ASIC2: variants seen among roughly 807,000 people sequenced by gnomAD.
ASIC2 encodes acid-sensing ion channel 2.
ASIC2 carries 25 observed loss-of-function variants against 57.3 expected under a neutral mutation model. The ratio of observed to expected loss-of-function variants is 0.44; its 90% CI spans 0.32 to 0.61. ASIC2 has a LOEUF of 0.61. Among genes scored for constraint, ASIC2 ranks in the 20% least tolerant of loss-of-function variants. The pLI, the probability that ASIC2 is intolerant of heterozygous loss-of-function variation, is 0.06. For synonymous variants in ASIC2, 319 were observed against 307.5 expected, an observed-to-expected ratio of 1.04 and a Z score of -0.39; for missense variants, 641 against 738.1, an observed-to-expected ratio of 0.87 and a Z score of 1.52.
chr17:33,567,754 T>A (rs1793148803), intron 1 of ASIC2, among the ~76,000 whole-genome samples: 1 of 151,668 alleles, frequency 6.6e-6, no homozygotes, highest in Non-Finnish European at 1.5e-5. Context: ...GGGGAGTGAG[T>A]TTGGAGGTAG....
chr17:33,858,875 T>G (rs1485870815), intron 1 of ASIC2, among the ~76,000 whole-genome samples: 3 of 152,230 alleles, frequency 2.0e-5, no homozygotes, highest in Non-Finnish European at 2.9e-5. Flanking sequence ...GTTTTGTCAC[T>G]AACTGTGTGT....
At chr17:33,038,893 G>A (rs539421593) in intron 3 of ASIC2, among the ~76,000 whole-genome samples, 16 of 143,810 alleles carry the variant, frequency 1.1e-4, no homozygotes, top group African/African-American at 4.0e-4. Context: ...CAAGGCCTCC[G>A]CAGCCCTCGC....
chr17:33,336,700 A>G (rs1567826886), intron 1 of ASIC2, among the ~76,000 whole-genome samples: 1 of 152,064 alleles, frequency 6.6e-6, no homozygotes, highest in Non-Finnish European at 1.5e-5. Context: ...GCATTTTCCA[A>G]GGCTCTGTCA....
At chr17:33,599,347 G>A (rs1323927893) in intron 1 of ASIC2, among the ~76,000 whole-genome samples, 1 of 152,180 alleles carries the variant, frequency 6.6e-6, no homozygotes, top group East Asian at 1.9e-4. Flanking sequence ...GGGAGAAAAG[G>A]AGCCTGATGA....
At chr17:33,379,245 G>A (rs1053245311) in intron 1 of ASIC2, among the ~76,000 whole-genome samples, 16 of 152,282 alleles carry the variant, frequency 1.1e-4, no homozygotes, top group African/African-American at 2.9e-4. Flanking sequence ...GACTGAACAA[G>A]TTACTTACTC....
intron 1 of ASIC2, among the ~76,000 whole-genome samples, chr17:33,625,171 C>CTATCTATCTATCTATCTATT (rs1171154899): frequency 7.2e-5 from 11 of 151,954 alleles, no homozygotes; most frequent in South Asian, 2.1e-4. Flanking sequence ...ATCTATCTAT[C>CTATCTATCTATCTATCTATT]TATCATCTAT....
chr17:33,408,100 T>C (rs1910530940), intron 1 of ASIC2, among the ~76,000 whole-genome samples: 2 of 152,322 alleles, frequency 1.3e-5, no homozygotes, highest in African/African-American at 4.8e-5. Context: ...CTCATGAGTT[T>C]CCTTTCTTGC....
intron 1 of ASIC2, chr17:34,081,060 T>C (rs1226647517): frequency 6.6e-6 from 1 of 152,208 alleles, no homozygotes; most frequent in Non-Finnish European, 1.5e-5. Context: ...TCTGAATCGC[T>C]GGCTTATAGC....
intron 1 of ASIC2, among the ~76,000 whole-genome samples, chr17:33,975,835 C>T (rs1271559782): frequency 6.6e-6 from 1 of 152,134 alleles, no homozygotes; most frequent in Non-Finnish European, 1.5e-5. Flanking sequence ...AGTCATCCCA[C>T]AAGGCTCTGT....
At chr17:33,711,113 A>G (rs1383627193) in intron 1 of ASIC2, among the ~76,000 whole-genome samples, 2 of 152,074 alleles carry the variant, frequency 1.3e-5, no homozygotes, top group East Asian at 3.9e-4. Flanking sequence ...AACACAGTAC[A>G]GTGCTGGTTT....
chr17:34,098,723 G>A (rs1036413929), intron 1 of ASIC2, among the ~76,000 whole-genome samples: 10 of 152,174 alleles, frequency 6.6e-5, no homozygotes, highest in African/African-American at 2.4e-4. Flanking sequence ...GGGTGAGACT[G>A]TATATGAACC....
intron 1 of ASIC2, among the ~76,000 whole-genome samples, chr17:33,393,114 C>T (rs544703374): frequency 1.3e-5 from 2 of 152,306 alleles, no homozygotes; most frequent in South Asian, 4.1e-4. Context: ...CCGGTTCATT[C>T]TGATGATTTC....
intron 1 of ASIC2, among the ~76,000 whole-genome samples, chr17:33,995,912 A>G (rs1402877195): frequency 2.6e-5 from 4 of 152,330 alleles, no homozygotes; most frequent in African/African-American, 9.6e-5. Flanking sequence ...TAATCTTTTA[A>G]GGAACTACCA....
chr17:33,456,807 C>T (rs1912467210), intron 1 of ASIC2, among the ~76,000 whole-genome samples: 1 of 152,178 alleles, frequency 6.6e-6, no homozygotes, highest in Admixed American at 6.5e-5. Context: ...TTTCAAAGCC[C>T]AGCCTTAGCA....
At chr17:33,728,197 C>T (rs115530529) in intron 1 of ASIC2, among the ~76,000 whole-genome samples, 2,338 of 152,190 alleles carry the variant, frequency 0.015, 60 homozygotes, top group African/African-American at 0.051. Flanking sequence ...AAAGAAGAGC[C>T]GCCACACAGA....
At chr17:33,102,619 A>G (rs2092216115) in intron 2 of ASIC2, among the ~76,000 whole-genome samples, 1 of 152,138 alleles carries the variant, frequency 6.6e-6, no homozygotes, top group Non-Finnish European at 1.5e-5. Context: ...AGGATGTTCT[A>G]GAATAGCTTC....
chr17:33,260,439 C>T (rs548346174), intron 1 of ASIC2, among the ~76,000 whole-genome samples: 1 of 152,270 alleles, frequency 6.6e-6, no homozygotes, highest in African/African-American at 2.4e-5. Flanking sequence ...CCTAGGGCTC[C>T]CCCAAAGGTC....
chr17:33,811,704 G>T (rs1262860295), intron 1 of ASIC2, among the ~76,000 whole-genome samples: 1 of 152,248 alleles, frequency 6.6e-6, no homozygotes, highest in Admixed American at 6.5e-5. Flanking sequence ...TCACTCTCAG[G>T]GGTTTTTCCA....
chr17:33,230,972 T>C (rs1908068845), intron 1 of ASIC2, among the ~76,000 whole-genome samples: 1 of 152,230 alleles, frequency 6.6e-6, no homozygotes, highest in Admixed American at 6.5e-5. Context: ...ATATCTCTTG[T>C]ATCTTGTGCT....
Sources: allele counts gnomAD v4.1 joint callset (sites outside exome capture counted in the v4.1 genomes callset), GRCh38; gene constraint gnomAD v4.1.1; transcripts MANE v1.5; gene names NCBI Gene and HGNC (gene_info 2026-07-23, HGNC 2026-07-21).